CRACD: variants seen among roughly 807,000 people sequenced by gnomAD.
CRACD encodes the protein capping protein inhibiting regulator of actin dynamics, also known as capping protein-inhibiting regulator of actin dynamics.
Under a neutral mutation model 106.8 loss-of-function variants are expected in CRACD, and 56 were observed. The observed-to-expected ratio is 0.52, with a 90% confidence interval of 0.42 to 0.66. CRACD has a LOEUF of 0.66. Among genes scored for constraint, CRACD ranks in the 30% least tolerant of loss-of-function variants. The probability of loss-of-function intolerance (pLI) is 0.00; values close to 1 mark genes in which losing one functional copy is unlikely to be tolerated. For missense variants in CRACD, 1,730 were observed against 1,623.2 expected (o/e 1.07, Z -1.13); for synonymous variants, 754 against 670.8 (o/e 1.12, Z -1.92).
Position 56,107,246 on chromosome 4 carries a change from T to C in CRACD, c.-336+57947T>C, listed in dbSNP as rs1039484680. 2.8e-4 allele frequency among the ~76,000 whole-genome samples: 43 copies of C among 152,080 alleles called. 1 individual carries two copies. The highest frequency in any genetic ancestry group is 4.4e-5 in the Non-Finnish European group (3 of 68,012). ...TCCTCCTGCCTCCACCTCCCAAAGATTTGGGATTACAGGTGTGAGCCACCG... is the reference window on the plus strand; with the variant it reads ...TCCTCCTGCCTCCACCTCCCAAAGACTTGGGATTACAGGTGTGAGCCACCG... On this transcript the variant is annotated intron_variant, in intron 1 of 10. Transcript: ENST00000682029.
chr4:56,268,085 ACAACAG>A (rs1742133973), intron 2 of CRACD, among the ~76,000 whole-genome samples: 2 of 152,342 alleles, frequency 1.3e-5, no homozygotes, highest in South Asian at 4.1e-4. Context: ...GTCACCATTC[ACAACAG>A]TGAGGTGACA....
At chr4:56,070,132 T>C (rs933002327) in intron 1 of CRACD, among the ~76,000 whole-genome samples, 1 of 152,118 alleles carries the variant, frequency 6.6e-6, no homozygotes, top group Non-Finnish European at 1.5e-5. Context: ...CTTTGCTTGG[T>C]TCACGGTGCA....
chr4:56,108,868 G>A (rs1734030079), intron 1 of CRACD, among the ~76,000 whole-genome samples: 3 of 152,272 alleles, frequency 2.0e-5, no homozygotes, highest in East Asian at 1.9e-4. Flanking sequence ...ACTTCAAAGC[G>A]GAACCAGGAG....
At chr4:56,275,261 C>T (rs2109656345) in intron 3 of CRACD, among the ~76,000 whole-genome samples, 1 of 152,142 alleles carries the variant, frequency 6.6e-6, no homozygotes, top group Non-Finnish European at 1.5e-5. Flanking sequence ...TTCACGTGTA[C>T]CCCTGAACGT....
intron 3 of CRACD, among the ~76,000 whole-genome samples, chr4:56,294,694 A>G (rs971799388): frequency 1.3e-5 from 2 of 152,148 alleles, no homozygotes; most frequent in Non-Finnish European, 2.9e-5. Flanking sequence ...TGGGCTGATC[A>G]CTTGAGGCCA....
chr4:56,132,705 T>C lies in CRACD; in HGVS notation c.-335-46579T>C, dbSNP rs1378225341. Among the ~76,000 whole-genome samples the C allele has an allele frequency of 2.6e-5, 4 of 152,130 alleles. No homozygotes were observed. The East Asian group carries it at 5.8e-4, about 22-fold the overall frequency. ...TAATGGTTTCTGTATAAATTGACCA[T>C]ACTGTAAGCTTCTAGAGGGCAGACA... On this transcript the variant is annotated intron_variant, in intron 1 of 10. Coordinates refer to ENST00000682029, the MANE Select transcript of CRACD (RefSeq NM_001393381.1).
chr4:56,126,031 C>G (rs1288416050), intron 1 of CRACD, among the ~76,000 whole-genome samples: 1 of 152,084 alleles, frequency 6.6e-6, no homozygotes, highest in African/African-American at 2.4e-5. Context: ...CTCGGCCTCC[C>G]AAAATGCTGA....
At chr4:56,264,934 C>G (rs1207675260) in intron 2 of CRACD, among the ~76,000 whole-genome samples, 1 of 152,206 alleles carries the variant, frequency 6.6e-6, no homozygotes, top group East Asian at 1.9e-4. Flanking sequence ...CCACGCTTCC[C>G]CCAGAAAAAG....
intron 1 of CRACD, chr4:56,170,082 CT>C: frequency 6.5e-6 from 1 of 153,052 alleles, no homozygotes. Flanking sequence ...AAAAACCCTC[CT>C]TTTTCCTTCC....
At chr4:56,117,441 T>TG (rs2066785294) in intron 1 of CRACD, among the ~76,000 whole-genome samples, 1 of 148,216 alleles carries the variant, frequency 6.7e-6, no homozygotes, top group African/African-American at 2.5e-5. Context: ...GTACTTAGAG[T>TG]GGTCAAAATC....
At chr4:56,124,977 A>C (rs1437161621) in intron 1 of CRACD, among the ~76,000 whole-genome samples, 1 of 152,190 alleles carries the variant, frequency 6.6e-6, no homozygotes, top group African/African-American at 2.4e-5. Flanking sequence ...GATATGCTTT[A>C]ATTTTTTGAA....
At chr4:56,306,598 C>T (rs891433920) in intron 4 of CRACD, among the ~76,000 whole-genome samples, 1 of 152,188 alleles carries the variant, frequency 6.6e-6, no homozygotes, top group Non-Finnish European at 1.5e-5. Context: ...GACTATGTAA[C>T]CCAAGGACCT....
intron 3 of CRACD, among the ~76,000 whole-genome samples, chr4:56,287,550 G>C (rs1387046869): frequency 6.6e-6 from 1 of 152,102 alleles, no homozygotes; most frequent in East Asian, 1.9e-4. Flanking sequence ...CACAGTGCTG[G>C]GATTACAGGC....
intron 2 of CRACD, among the ~76,000 whole-genome samples, chr4:56,241,725 G>A (rs1740378802): frequency 6.6e-6 from 1 of 152,134 alleles, no homozygotes; most frequent in South Asian, 2.1e-4. Context: ...AAACACACAG[G>A]TGCAGTACCT....
rs77099367 is a variant in CRACD, at chr4:56,162,812, T to C, written c.-335-16472T>C. 5.7e-3 allele frequency among the ~76,000 whole-genome samples: 868 copies of C among 152,220 alleles called. 4 individuals are homozygous for C. The highest frequency in any genetic ancestry group is 0.02 in the African/African-American group (831 of 41,532). On this transcript the variant is annotated intron_variant, in intron 1 of 10. Transcript: ENST00000682029. ...ACAATTTAGAAATAATCAGGCAAAATGTTGTTTAATTTGTTGGTTGGGGTA... is the reference window on the plus strand; with the variant it reads ...ACAATTTAGAAATAATCAGGCAAAACGTTGTTTAATTTGTTGGTTGGGGTA...
At chr4:56,230,470 C>T (rs1739556082) in intron 2 of CRACD, among the ~76,000 whole-genome samples, 1 of 152,146 alleles carries the variant, frequency 6.6e-6, no homozygotes, top group Non-Finnish European at 1.5e-5. Context: ...GGCATTGTTC[C>T]TACTCAAAAA....
At chr4:56,079,726 G>A (rs1297313776) in intron 1 of CRACD, among the ~76,000 whole-genome samples, 1 of 152,092 alleles carries the variant, frequency 6.6e-6, no homozygotes, top group African/African-American at 2.4e-5. Flanking sequence ...CCAAAGTGCA[G>A]GCATGAGCCA....
At chr4:56,207,407 C>G (rs1383264295) in intron 2 of CRACD, among the ~76,000 whole-genome samples, 1 of 152,150 alleles carries the variant, frequency 6.6e-6, no homozygotes, top group African/African-American at 2.4e-5. Context: ...GCTGCCTATC[C>G]AGGAGAGTGA....
Position 56,127,042 on chromosome 4 carries a change from A to G in CRACD, c.-335-52242A>G, listed in dbSNP as rs1283348160. Among the ~76,000 whole-genome samples the G allele has an allele frequency of 5.3e-5, 8 of 152,200 alleles. No homozygotes were observed. The East Asian group carries it at 1.5e-3, about 29-fold the overall frequency. On this transcript the variant is annotated intron_variant, in intron 1 of 10. Coordinates refer to ENST00000682029, the MANE Select transcript of CRACD (RefSeq NM_001393381.1). ...TTGGGAGATGGGGCCTTTTTGGGAGATGTTTATGGAACTTGGGAGGCGGAG... is the reference window on the plus strand; with the variant it reads ...TTGGGAGATGGGGCCTTTTTGGGAGGTGTTTATGGAACTTGGGAGGCGGAG...
Sources: gnomAD v4.1 joint callset for allele counts (sites outside exome capture counted in the v4.1 genomes callset) on GRCh38, gnomAD v4.1.1 for gene constraint, MANE v1.5 for transcripts, NCBI Gene and HGNC (gene_info 2026-07-23, HGNC 2026-07-21) for gene names.